The following ADGRL3 variants were observed in gnomAD, a reference collection of about 807,000 sequenced individuals.
The protein encoded by ADGRL3 is adhesion G protein-coupled receptor L3.
Under a neutral mutation model 153.5 loss-of-function variants are expected in ADGRL3, and 62 were observed. That is an observed-to-expected ratio of 0.40 (90% CI 0.33 to 0.50). ADGRL3 has a LOEUF of 0.50. Among genes scored for constraint, ADGRL3 ranks in the 20% least tolerant of loss-of-function variants. The pLI, the probability that ADGRL3 is intolerant of heterozygous loss-of-function variation, is 0.47. For synonymous variants in ADGRL3, 710 were observed against 672.5 expected (o/e 1.06, Z -0.86); for missense variants, 1,641 against 1,859.4 (o/e 0.88, Z 2.16).
At chr4:61,797,469 T>C (rs1296274963) in intron 8 of ADGRL3, among the ~76,000 whole-genome samples, 1 of 152,172 alleles carries the variant, frequency 6.6e-6, no homozygotes, top group East Asian at 1.9e-4. Context: ...TGGTTTCCTC[T>C]CCGATAAAGT....
intron 1 of ADGRL3, among the ~76,000 whole-genome samples, chr4:61,231,677 T>G (rs1257233035): frequency 1.3e-5 from 2 of 152,086 alleles, no homozygotes; most frequent in African/African-American, 4.8e-5. Context: ...CAGGGCTTTT[T>G]GTAACGGTCT....
chr4:61,911,252 A>T lies in ADGRL3; in HGVS notation c.2074-1467A>T, dbSNP rs139481145. Among the ~76,000 whole-genome samples the T allele has an allele frequency of 6.1e-3, 926 of 152,268 alleles. 6 individuals are homozygous for T. The highest frequency in any genetic ancestry group is 0.01 in the Middle Eastern group (3 of 294). On this transcript the variant is annotated intron_variant, in intron 12 of 26. Coordinates refer to ENST00000683033, the MANE Select transcript of ADGRL3 (RefSeq NM_001387552.1). ...GTATCTTTATTTAAAAATGGTGTTG[A>T]TGTCTGACAATATCAGGTAAAGCTG...
At chr4:61,423,664 G>A (rs559381231) in intron 2 of ADGRL3, among the ~76,000 whole-genome samples, 2 of 152,302 alleles carry the variant, frequency 1.3e-5, no homozygotes, top group African/African-American at 4.8e-5. Context: ...ATCACAGGGA[G>A]TGTAAGAGCT....
chr4:61,672,040 A>C (rs1376523673), intron 5 of ADGRL3, among the ~76,000 whole-genome samples: 1 of 152,122 alleles, frequency 6.6e-6, no homozygotes, highest in Non-Finnish European at 1.5e-5. Flanking sequence ...TGTTTGCTGT[A>C]CAGAAGCTTT....
intron 8 of ADGRL3, among the ~76,000 whole-genome samples, chr4:61,736,149 GTATCCCCCTCCATATGTATGTACA>G (rs1480969864): frequency 1.3e-5 from 2 of 151,850 alleles, no homozygotes; most frequent in Non-Finnish European, 1.5e-5. Context: ...ATATAGTCAT[GTATCCCCCTCCATATGTATGTACA>G]TATCCCCCTC....
chr4:61,886,680 C>T (rs752225104), intron 9 of ADGRL3, among the ~76,000 whole-genome samples: 3 of 152,044 alleles, frequency 2.0e-5, no homozygotes, highest in Non-Finnish European at 4.4e-5. Flanking sequence ...CTCACTCTGT[C>T]GCCCAGGCTG....
intron 23 of ADGRL3, among the ~76,000 whole-genome samples, chr4:62,035,907 T>C (rs537279210): frequency 6.6e-6 from 1 of 152,128 alleles, no homozygotes; most frequent in Non-Finnish European, 1.5e-5. Flanking sequence ...TTCAGAGTCA[T>C]TTTGAGGGAC....
At chr4:62,002,340 A>T (rs2099143350) in intron 21 of ADGRL3, among the ~76,000 whole-genome samples, 1 of 149,026 alleles carries the variant, frequency 6.7e-6, no homozygotes, top group African/African-American at 2.5e-5. Context: ...TTTGCCTCAG[A>T]TCTTATCTCT....
intron 4 of ADGRL3, among the ~76,000 whole-genome samples, chr4:61,527,213 A>G (rs1467604042): frequency 6.6e-6 from 1 of 152,080 alleles, no homozygotes; most frequent in Non-Finnish European, 1.5e-5. Context: ...CACATCTGAA[A>G]GAAAAAATAT....
intron 17 of ADGRL3, among the ~76,000 whole-genome samples, chr4:61,954,466 T>C (rs1463831895): frequency 1.3e-5 from 2 of 152,082 alleles, no homozygotes; most frequent in Non-Finnish European, 2.9e-5. Flanking sequence ...AGTTAGATCA[T>C]GTCACTCCTC....
At chr4:62,047,383 A>G (rs1731679195) in intron 25 of ADGRL3, among the ~76,000 whole-genome samples, 1 of 152,098 alleles carries the variant, frequency 6.6e-6, no homozygotes, top group Non-Finnish European at 1.5e-5. Flanking sequence ...TACAAACAAG[A>G]ATCAATCATT....
At chr4:61,712,770 T>A (rs79106911) in intron 6 of ADGRL3, among the ~76,000 whole-genome samples, 1,770 of 152,340 alleles carry the variant, frequency 0.012, 33 homozygotes, top group African/African-American at 0.039. Context: ...ATGGCTTCCA[T>A]CTGAATGAAG....
intron 1 of ADGRL3, among the ~76,000 whole-genome samples, chr4:61,249,461 T>C (rs900465639): frequency 6.6e-6 from 1 of 152,264 alleles, no homozygotes; most frequent in African/African-American, 2.4e-5. Context: ...GCATTTTGAC[T>C]CTGGCGTTCA....
At chr4:61,327,374 G>C (rs2095487115) in intron 1 of ADGRL3, among the ~76,000 whole-genome samples, 1 of 149,900 alleles carries the variant, frequency 6.7e-6, no homozygotes, top group South Asian at 2.1e-4. Flanking sequence ...GAGATTTCCT[G>C]TAAAGTATGC....
chr4:61,551,204 G>A (rs1315998721), intron 4 of ADGRL3, among the ~76,000 whole-genome samples: 3 of 151,952 alleles, frequency 2.0e-5, no homozygotes, highest in Non-Finnish European at 2.9e-5. Context: ...AAGTGTAATC[G>A]CAATTATACA....
chr4:61,370,166 C>T (rs1286629742), intron 1 of ADGRL3, among the ~76,000 whole-genome samples: 4 of 151,818 alleles, frequency 2.6e-5, no homozygotes, highest in Admixed American at 2.0e-4. Flanking sequence ...TTTGTTGATC[C>T]TTTCAAAAAA....
At chr4:61,568,335 C>T (rs1189859418) in intron 4 of ADGRL3, among the ~76,000 whole-genome samples, 1 of 152,132 alleles carries the variant, frequency 6.6e-6, no homozygotes, top group Non-Finnish European at 1.5e-5. Context: ...TGTCTCTCTT[C>T]TCATTTTCTT....
At chr4:61,305,330 T>C (rs2094737513) in intron 1 of ADGRL3, among the ~76,000 whole-genome samples, 1 of 152,182 alleles carries the variant, frequency 6.6e-6, no homozygotes, top group African/African-American at 2.4e-5. Flanking sequence ...TACATTATTA[T>C]ATCATTATAG....
intron 9 of ADGRL3, among the ~76,000 whole-genome samples, chr4:61,883,058 G>C (rs2098517815): frequency 6.6e-6 from 1 of 152,206 alleles, no homozygotes; most frequent in African/African-American, 2.4e-5. Flanking sequence ...AGAAGTTGCA[G>C]TGAGCCGAGA....
Sources: allele counts gnomAD v4.1 joint callset (sites outside exome capture counted in the v4.1 genomes callset), GRCh38; gene constraint gnomAD v4.1.1; transcripts MANE v1.5; gene names NCBI Gene and HGNC (gene_info 2026-07-23, HGNC 2026-07-21).